Variants in DPYD observed in about 807,000 individuals in gnomAD.
DPYD encodes the protein dihydropyrimidine dehydrogenase [NADP(+)].
In DPYD, 109 loss-of-function variants were observed where a neutral mutation model predicts 116.2. The ratio of observed to expected loss-of-function variants is 0.94; its 90% CI spans 0.80 to 1.10. The LOEUF (loss-of-function observed/expected upper bound fraction) is 1.10. Among genes scored for constraint, DPYD ranks in the 50% least tolerant of loss-of-function variants. DPYD has a pLI of 0.00. For missense variants in DPYD, 1,302 were observed against 1,254.5 expected, an observed-to-expected ratio of 1.04 and a Z score of -0.57; for synonymous variants, 440 against 432.0, an observed-to-expected ratio of 1.02 and a Z score of -0.23.
chr1:97,308,755 G>GT (rs1341532640), intron 16 of DPYD, among the ~76,000 whole-genome samples: 1 of 151,760 alleles, frequency 6.6e-6, no homozygotes, highest in African/African-American at 2.4e-5. Context: ...TTTGCCTTTT[G>GT]TAACAAGCCA....
chr1:97,418,379 C>T (rs1674396627), intron 14 of DPYD, among the ~76,000 whole-genome samples: 1 of 151,340 alleles, frequency 6.6e-6, no homozygotes, highest in African/African-American at 2.4e-5. Context: ...TGGCTCACTG[C>T]AACCTCTACC....
intron 3 of DPYD, among the ~76,000 whole-genome samples, chr1:97,762,568 G>T (rs1191482074): frequency 6.6e-6 from 1 of 152,032 alleles, no homozygotes; most frequent in Non-Finnish European, 1.5e-5. Flanking sequence ...TTTTAAAACT[G>T]CTTAGATTTT....
chr1:97,097,521 T>C (rs1431458626), intron 21 of DPYD, among the ~76,000 whole-genome samples: 2 of 152,134 alleles, frequency 1.3e-5, no homozygotes, highest in African/African-American at 4.8e-5. Flanking sequence ...AACTACATTT[T>C]AGTGATGATG....
chr1:97,206,666 A>ATATG (rs1659639978), intron 19 of DPYD, among the ~76,000 whole-genome samples: 1 of 119,448 alleles, frequency 8.4e-6, no homozygotes, highest in Non-Finnish European at 1.8e-5. Context: ...ATATATATAT[A>ATATG]TATATATATA....
At chr1:97,420,035 C>T (rs1674497673) in intron 14 of DPYD, 1 of 152,130 alleles carries the variant, frequency 6.6e-6, no homozygotes, top group Admixed American at 6.6e-5. Flanking sequence ...AGGAAAACCA[C>T]AAGGGACAGT....
intron 14 of DPYD, chr1:97,394,483 A>T (rs1311602096): frequency 1.3e-5 from 2 of 151,748 alleles, no homozygotes; most frequent in East Asian, 3.9e-4. Context: ...TTTATCAATT[A>T]AGTTTTCCAT....
intron 5 of DPYD, among the ~76,000 whole-genome samples, chr1:97,707,110 G>A (rs1440703912): frequency 6.6e-6 from 1 of 152,000 alleles, no homozygotes; most frequent in Non-Finnish European, 1.5e-5. Context: ...ACAAATGTTA[G>A]AAAGGTGGGG....
chr1:97,412,583 T>C (rs188073279), intron 14 of DPYD, among the ~76,000 whole-genome samples: 1 of 152,208 alleles, frequency 6.6e-6, no homozygotes, highest in Admixed American at 6.5e-5. Context: ...AAAATATAAA[T>C]GTATAAGCAT....
intron 3 of DPYD, among the ~76,000 whole-genome samples, chr1:97,798,720 G>A (rs555367344): frequency 1.2e-4 from 18 of 151,930 alleles, no homozygotes; most frequent in Admixed American, 6.6e-4. Context: ...AAAATTAAAT[G>A]ATCAAAATAA....
At position 97,279,069 on chromosome 1, in the gene DPYD, T is replaced by A. The variant is rs562609390; in HGVS notation, c.2299+26190A>T. 2.0e-5 allele frequency among the ~76,000 whole-genome samples: 3 copies of A among 152,234 alleles called. No homozygotes were observed. In the East Asian group the frequency reaches 5.8e-4, roughly 29 times the overall value. On this transcript the variant is annotated intron_variant, in intron 18 of 22. Coordinates refer to ENST00000370192, the MANE Select transcript of DPYD (RefSeq NM_000110.4). Reference sequence around the variant, plus strand: ...CATGCAGATTTGTTCCATGAGTATATTGCATGATGCTGAAGTCTGTGATAT... The same window carrying A: ...CATGCAGATTTGTTCCATGAGTATAATGCATGATGCTGAAGTCTGTGATAT...
intron 13 of DPYD, among the ~76,000 whole-genome samples, chr1:97,509,897 G>A (rs1205356101): frequency 6.6e-6 from 1 of 151,902 alleles, no homozygotes; most frequent in African/African-American, 2.4e-5. Context: ...AATTATGGAT[G>A]TGACTTTGGG....
At chr1:97,752,876 T>G (rs1329241245) in intron 3 of DPYD, among the ~76,000 whole-genome samples, 1 of 152,228 alleles carries the variant, frequency 6.6e-6, no homozygotes, top group African/African-American at 2.4e-5. Flanking sequence ...TGGGTTCCTC[T>G]GTCTTTGAGG....
At chr1:97,231,493 G>A (rs958814720) in intron 19 of DPYD, among the ~76,000 whole-genome samples, 3 of 152,182 alleles carry the variant, frequency 2.0e-5, no homozygotes, top group African/African-American at 7.2e-5. Context: ...CGGCAGGCAA[G>A]AGAGCATGTG....
intron 18 of DPYD, among the ~76,000 whole-genome samples, chr1:97,274,598 T>TA (rs1465663821): frequency 1.3e-5 from 2 of 152,134 alleles, no homozygotes; most frequent in Non-Finnish European, 2.9e-5. Context: ...TAATACAAAA[T>TA]AATATGAACC....
chr1:97,909,248 C>A (rs1299371396), intron 1 of DPYD, among the ~76,000 whole-genome samples: 1 of 151,972 alleles, frequency 6.6e-6, no homozygotes, highest in East Asian at 1.9e-4. Flanking sequence ...ATTTTTTGTT[C>A]CGCCACCCAA....
intron 3 of DPYD, among the ~76,000 whole-genome samples, chr1:97,811,688 A>G (rs1668357122): frequency 6.6e-6 from 1 of 152,136 alleles, no homozygotes. Flanking sequence ...CTAAAATTTA[A>G]AACTATATTA....
intron 18 of DPYD, among the ~76,000 whole-genome samples, chr1:97,277,885 G>T (rs1459152434): frequency 6.6e-6 from 1 of 152,126 alleles, no homozygotes; most frequent in South Asian, 2.1e-4. Flanking sequence ...ATGATCTCTG[G>T]TTAGTCCTCC....
At position 97,113,126 on chromosome 1, in the gene DPYD, T is replaced by C. The variant is rs527961703; in HGVS notation, c.2623-14494A>G. Among the ~76,000 whole-genome samples, 4 of 152,282 alleles carry C rather than the reference T, an allele frequency of 2.6e-5. No homozygotes were observed. In the South Asian group the frequency reaches 8.3e-4, roughly 32 times the overall value. ...ACATGTGACTGTGTAATTAAATATG[T>C]GTGTGCCTACTGTGCATATACACAC... On this transcript the variant is annotated intron_variant, in intron 20 of 22. Transcript: ENST00000370192.
At chr1:97,530,214 C>CTTTTTT (rs57740723) in intron 12 of DPYD, among the ~76,000 whole-genome samples, 16 of 112,698 alleles carry the variant, frequency 1.4e-4, no homozygotes, top group Non-Finnish European at 1.6e-4. Context: ...CTTTTTTTTT[C>CTTTTTT]TTTTTTTTTT....
Sources: allele counts gnomAD v4.1 joint callset (sites outside exome capture counted in the v4.1 genomes callset), GRCh38; gene constraint gnomAD v4.1.1; transcripts MANE v1.5; gene names NCBI Gene and HGNC (gene_info 2026-07-23, HGNC 2026-07-21).